Variants in LACTB observed in about 807,000 individuals in gnomAD.
The protein encoded by LACTB is serine beta-lactamase-like protein LACTB, mitochondrial.
A neutral mutation model predicts 50.2 loss-of-function variants in LACTB; 35 were observed. The ratio of observed to expected loss-of-function variants is 0.70; its 90% confidence interval spans 0.53 to 0.92. LACTB has a LOEUF of 0.92. LACTB is among the 40% of genes least tolerant of loss of function. The pLI, the probability that LACTB is intolerant of heterozygous loss-of-function variation, is 0.00. For missense variants in LACTB, 664 were observed against 691.8 expected (o/e 0.96, Z 0.45); for synonymous variants, 252 against 268.2 (o/e 0.94, Z 0.59).
In LACTB at chr15:63,141,418, A is replaced by G; in HGVS notation, c.1257A>G (p.Gln419=). The change falls in exon 6 of 6, where the codon CAA becomes CAG. Residue 419 remains glutamine, a synonymous_variant. Transcript: ENST00000261893. The stretch of plus-strand genomic sequence containing the variant: ...GGAATGCAATGCTTTATGGTTACCA[A>G]GTTGGGCTGTTTAAGAACTCAAATG... ...KFGNAMLYGY[Q]VGLFKNSNEN... 1 of 1,614,240 alleles carries G rather than the reference A, an allele frequency of 6.2e-7. No homozygotes were observed. Among genetic ancestry groups the G allele is most frequent in the East Asian group, 2.2e-5 (1 of 44,890 alleles).
At chr15:63,134,976 G>A (rs1366858315) in intron 5 of LACTB, among the ~76,000 whole-genome samples, 1 of 152,114 alleles carries the variant, frequency 6.6e-6, no homozygotes, top group Non-Finnish European at 1.5e-5. Context: ...AAGGGGCTTT[G>A]GAAGAGAATT....
chr15:63,139,139 G>A (rs1405503967), intron 5 of LACTB, among the ~76,000 whole-genome samples: 1 of 145,184 alleles, frequency 6.9e-6, no homozygotes, highest in African/African-American at 2.6e-5. Context: ...ACCTGAGTTC[G>A]GGAGTTCAAA....
At chr15:63,135,764 A>T (rs2037170367) in intron 5 of LACTB, among the ~76,000 whole-genome samples, 1 of 152,224 alleles carries the variant, frequency 6.6e-6, no homozygotes, top group African/African-American at 2.4e-5. Context: ...ATCTAAAAAA[A>T]GATTCTCTAG....
At chr15:63,136,295 C>T (rs2037176662) in intron 5 of LACTB, among the ~76,000 whole-genome samples, 1 of 152,150 alleles carries the variant, frequency 6.6e-6, no homozygotes, top group Non-Finnish European at 1.5e-5. Context: ...CCTCAGCCTC[C>T]CAAAGTGTTG....
In LACTB at chr15:63,141,864, G is replaced by C; in HGVS notation, c.*59G>C. On this transcript the variant is annotated 3_prime_UTR_variant, in exon 6 of 6. Coordinates refer to ENST00000261893, the MANE Select transcript of LACTB (RefSeq NM_032857.5). Reference sequence around the variant, plus strand: ...TCTGAGGTTTTTTTGAAACATTAAAGTTCCAAAACATGACATTTTTAAGAA... The same window carrying C: ...TCTGAGGTTTTTTTGAAACATTAAACTTCCAAAACATGACATTTTTAAGAA... The C allele has an allele frequency of 7.2e-7, 1 of 1,394,930 alleles. No individual in the cohort carries two copies. The highest frequency in any genetic ancestry group is 9.8e-7 in the Non-Finnish European group (1 of 1,024,818). The allele number at this position is 1,394,930 out of a possible 1,614,324, so 86.4% of individuals were successfully genotyped here.
Position 63,125,177 on chromosome 15 carries a change from T to A in LACTB, c.425-1682T>A, listed in dbSNP as rs563179093. ...TCTCTATAAAAAAAATTTTATTTAT[T>A]TATTTTTTTTTTGGAGTTTCACTCT... On this transcript the variant is annotated intron_variant, in intron 2 of 5. Transcript: ENST00000261893. Among the ~76,000 whole-genome samples the A allele has an allele frequency of 7.8e-4, 96 of 122,622 alleles. 1 individual carries two copies. The East Asian group carries it at 0.032, about 41-fold the overall frequency. 80.4% of individuals were successfully genotyped at this position (122,622 alleles called of 152,430 possible).
intron 4 of LACTB, among the ~76,000 whole-genome samples, chr15:63,127,916 A>G (rs559286831): frequency 1.6e-4 from 25 of 152,364 alleles, no homozygotes; most frequent in African/African-American, 6.0e-4. Context: ...GAGGATTCTC[A>G]GTATCAAGAT....
rs1595714841 is a variant in LACTB, at chr15:63,127,494, G to T, written c.757G>T (p.Glu253Ter). 6.2e-7 allele frequency: 1 copy of T among 1,613,616 alleles called. No individual in the cohort carries two copies. The highest frequency in any genetic ancestry group is 8.5e-7 in the Non-Finnish European group (1 of 1,179,792). ...KENVAFEQEK[E>*]GKSNEKNDFT... Reference sequence around the variant, plus strand: ...GAATGTTGCATTTGAGCAAGAAAAAGAAGGCAAAAGTAATGAAAAGAATGA... The same window carrying T: ...GAATGTTGCATTTGAGCAAGAAAAATAAGGCAAAAGTAATGAAAAGAATGA... The change falls in exon 4 of 6, where the codon GAA becomes TAA. Residue 253 changes from glutamate to a stop codon, truncating the protein, a stop_gained. Transcript: ENST00000261893. LOFTEE classifies it high-confidence loss of function.
intron 5 of LACTB, among the ~76,000 whole-genome samples, chr15:63,139,067 G>A (rs1002942552): frequency 5.1e-4 from 72 of 142,024 alleles, no homozygotes; most frequent in Non-Finnish European, 8.5e-4. Flanking sequence ...AAAAAAAATC[G>A]GCCAGGAACA....
intron 5 of LACTB, among the ~76,000 whole-genome samples, chr15:63,136,063 A>G (rs2037173891): frequency 7.0e-6 from 1 of 143,808 alleles, no homozygotes; most frequent in African/African-American, 2.6e-5. Context: ...TTTTTTTGAG[A>G]CAAGATCTCA....
Position 63,122,657 on chromosome 15 carries a change from A to T in LACTB, c.379A>T (p.Ile127Leu), listed in dbSNP as rs775511153. Residue 127 changes from isoleucine (I) to leucine (L), a missense_variant, in exon 2 of 6, where the codon ATA (isoleucine) becomes TTA (leucine). Physicochemically the swap from Ile to Leu is conservative, Grantham distance 5 (BLOSUM62 2). Coordinates refer to ENST00000261893, the MANE Select transcript of LACTB (RefSeq NM_032857.5). ...RIKDEVGAPGIVVGVSVDGKE... is the reference protein window; with the variant it reads ...RIKDEVGAPGLVVGVSVDGKE... ...TTAGGATGAGGTGGGCGCACCGGGC[A>T]TAGTGGTTGGAGTTTCTGTAGATGG... The T allele has an allele frequency of 6.2e-7, 1 of 1,613,840 alleles. No homozygotes were observed. The highest frequency in any genetic ancestry group is 2.2e-5 in the East Asian group (1 of 44,876).
chr15:63,135,762 A>G (rs916718869), intron 5 of LACTB, among the ~76,000 whole-genome samples: 15 of 152,242 alleles, frequency 9.9e-5, no homozygotes, highest in African/African-American at 3.6e-4. Flanking sequence ...GAATCTAAAA[A>G]AAGATTCTCT....
rs1363719580 is a variant in LACTB at position 63,141,525 on chromosome 15, A to G, written c.1364A>G (p.Asp455Gly). The G allele has an allele frequency of 3.7e-6, 6 of 1,614,134 alleles. No individual in the cohort carries two copies. The highest frequency in any genetic ancestry group is 3.3e-5 in the Admixed American group (2 of 59,996). Residue 455 changes from aspartate (D) to glycine (G), a missense_variant, in exon 6 of 6, where the codon GAT (aspartate) becomes GGT (glycine). Asp to Gly is a moderately conservative substitution (Grantham distance 94, BLOSUM62 -1). Transcript: ENST00000261893. ...GTCCCTAACACAGAGATGTCTTGGG[A>G]TAAAGAGGGTAAATATGCAATGGCG... The part of the protein sequence containing the change: ...TPVPNTEMSW[D>G]KEGKYAMAWG...
chr15:63,127,491 A>G lies in LACTB; in HGVS notation c.754A>G (p.Lys252Glu). The G allele has an allele frequency of 6.2e-7, 1 of 1,613,762 alleles. No individual in the cohort carries two copies. Among genetic ancestry groups the G allele is most frequent in the East Asian group, 2.2e-5 (1 of 44,836 alleles). The change falls in exon 4 of 6, where the codon AAA (lysine) becomes GAA (glutamate). Residue 252 changes from lysine (K) to glutamate (E), a missense_variant. Transcript: ENST00000261893. ...AGAGAATGTTGCATTTGAGCAAGAA[A>G]AAGAAGGCAAAAGTAATGAAAAGAA... ...MKENVAFEQE[K>E]EGKSNEKNDF... is the part of the protein sequence containing the mutation.
intron 5 of LACTB, among the ~76,000 whole-genome samples, chr15:63,138,999 G>A (rs1244473701): frequency 4.1e-5 from 6 of 147,074 alleles, no homozygotes; most frequent in East Asian, 2.0e-4. Flanking sequence ...TGCCGAGATC[G>A]TGCCACTGCA....
intron 5 of LACTB, among the ~76,000 whole-genome samples, chr15:63,136,251 C>T (rs1216451059): frequency 6.6e-6 from 1 of 152,104 alleles, no homozygotes; most frequent in Non-Finnish European, 1.5e-5. Flanking sequence ...CTGTGTTTCC[C>T]AGGCTGATCT....
rs750643781 is a variant in LACTB, at chr15:63,122,173, C to G, written c.302C>G (p.Ser101Cys). 10 of 1,529,128 alleles carry G rather than the reference C, an allele frequency of 6.5e-6. No individual in the cohort carries two copies. The highest frequency in any genetic ancestry group is 8.7e-6 in the Non-Finnish European group (10 of 1,146,122). The allele number at this position is 1,529,128 out of a possible 1,614,324, so 94.7% of individuals were successfully genotyped here. A position where few individuals can be genotyped will look rare whatever the true frequency, so the allele number is the denominator to read the frequency against. The change falls in exon 1 of 6, where the codon TCC becomes TGC. Residue 101 changes from serine (S) to cysteine (C), a missense_variant. By Grantham distance (112) the Ser-to-Cys change is moderately radical. Transcript: ENST00000261893. ...CCGCAGACCCCGGCGCCGCCCTGCTCCAGGTGCTTCGCCAGAGCCATCGAG... is the reference window on the plus strand; with the variant it reads ...CCGCAGACCCCGGCGCCGCCCTGCTGCAGGTGCTTCGCCAGAGCCATCGAG... ...WSPQTPAPPCSRCFARAIESS... is the reference protein window; with the variant it reads ...WSPQTPAPPCCRCFARAIESS...
Position 63,127,679 on chromosome 15 carries a change from C to A in LACTB, c.942C>A (p.Phe314Leu). Residue 314 changes from phenylalanine to leucine, a missense_variant, in exon 4 of 6, where the codon TTC becomes TTA. By Grantham distance (22) the Phe-to-Leu change is conservative (BLOSUM62 0). Coordinates refer to ENST00000261893, the MANE Select transcript of LACTB (RefSeq NM_032857.5). ...SLRLFKNDPL[F>L]FKPGSQFLYS... is the part of the protein sequence containing the mutation. ...GATTATTTAAAAATGATCCTTTGTT[C>A]TTCAAACCTGGTGAGTGTTAATCCC... 1 of 1,582,674 alleles carries A rather than the reference C, an allele frequency of 6.3e-7. No individual in the cohort carries two copies. The highest frequency in any genetic ancestry group is 1.1e-5 in the South Asian group (1 of 88,222).
chr15:63,128,542 A>G (rs2037085587), intron 4 of LACTB, among the ~76,000 whole-genome samples: 1 of 152,152 alleles, frequency 6.6e-6, no homozygotes. Flanking sequence ...TCAAAGTTGT[A>G]GTGGGTTGTG....
Sources: allele counts gnomAD v4.1 joint callset (sites outside exome capture counted in the v4.1 genomes callset), GRCh38; gene constraint gnomAD v4.1.1; transcripts MANE v1.5; gene names NCBI Gene and HGNC (gene_info 2026-07-23, HGNC 2026-07-21).